ASH2L: variants seen among roughly 807,000 people sequenced by gnomAD.
The protein encoded by ASH2L is set1/Ash2 histone methyltransferase complex subunit ASH2.
A neutral mutation model predicts 81.1 loss-of-function variants in ASH2L; 30 were observed. That is an observed-to-expected ratio of 0.37 (90% CI 0.28 to 0.50). ASH2L has a LOEUF of 0.50. Ranked by LOEUF, ASH2L falls within the 20% of genes least tolerant of loss-of-function variation. The pLI is 0.95. For synonymous variants in ASH2L, 273 were observed against 279.9 expected (o/e 0.98, Z 0.24); for missense variants, 559 against 792.1 (o/e 0.71, Z 3.53).
At chr8:38,113,954 A>G (rs1446383178) in intron 5 of ASH2L, among the ~76,000 whole-genome samples, 1 of 152,214 alleles carries the variant, frequency 6.6e-6, no homozygotes, top group African/African-American at 2.4e-5. Context: ...TAAGCCCTAC[A>G]TGGCTAAGGT....
At chr8:38,119,809 A>C (rs1248072676) in intron 9 of ASH2L, among the ~76,000 whole-genome samples, 1 of 151,412 alleles carries the variant, frequency 6.6e-6, no homozygotes, top group East Asian at 2.0e-4. Flanking sequence ...TCTCAAAAAC[A>C]AAACAAAAAA....
At chr8:38,118,923 T>A (rs1811021258) in intron 8 of ASH2L, among the ~76,000 whole-genome samples, 1 of 152,180 alleles carries the variant, frequency 6.6e-6, no homozygotes, top group South Asian at 2.1e-4. Context: ...TTCATTCTTT[T>A]TAGCTGTGGG....
chr8:38,116,496 G>A (rs576126026), intron 7 of ASH2L, among the ~76,000 whole-genome samples, 154 bp from the exon 8 acceptor site: 1 of 152,188 alleles, frequency 6.6e-6, no homozygotes, highest in East Asian at 1.9e-4. Flanking sequence ...TCGCGCCACT[G>A]TACTACAGAC....
intron 5 of ASH2L, 134 bp downstream of exon 5, chr8:38,110,967 C>CT (rs1190022796): frequency 2.1e-3 from 1,513 of 715,878 alleles, no homozygotes; most frequent in Middle Eastern, 2.6e-3. Context: ...ACCTTGTTCT[C>CT]TTTTTTTTTC....
At chr8:38,126,489 T>C (rs1018724043) in intron 10 of ASH2L, among the ~76,000 whole-genome samples, 1 of 152,202 alleles carries the variant, frequency 6.6e-6, no homozygotes, top group African/African-American at 2.4e-5. Context: ...ATTATGTTAA[T>C]GATTATACAT....
chr8:38,116,219 AGCT>A (rs1402363872), intron 7 of ASH2L, among the ~76,000 whole-genome samples: 1 of 152,160 alleles, frequency 6.6e-6, no homozygotes, highest in East Asian at 1.9e-4. Flanking sequence ...ACAAAACTTT[AGCT>A]GGGTATGGCA....
intron 8 of ASH2L, 33 bp from the exon 9 acceptor site, chr8:38,119,237 G>T (rs1300550401): frequency 1.3e-6 from 2 of 1,539,106 alleles, no homozygotes; most frequent in African/African-American, 2.8e-5. Flanking sequence ...TTCCCTTGTG[G>T]CTCATTGAAA....
chr8:38,133,568 AT>A, intron 13 of ASH2L, 22 bp downstream of exon 13: 1 of 1,547,830 alleles, frequency 6.5e-7, no homozygotes, highest in Non-Finnish European at 8.8e-7. Flanking sequence ...CCATAAGAAC[AT>A]TAGAATCATA....
At chr8:38,105,812 C>A in intron 1 of ASH2L, 74 bp downstream of exon 1, 1 of 1,475,584 alleles carries the variant, frequency 6.8e-7, no homozygotes, top group South Asian at 1.4e-5. Context: ...CTCCTGGAGC[C>A]CTGCCGCCCG....
At chr8:38,125,922 G>A (rs1801826662) in intron 10 of ASH2L, among the ~76,000 whole-genome samples, 1 of 152,146 alleles carries the variant, frequency 6.6e-6, no homozygotes, top group Non-Finnish European at 1.5e-5. Context: ...GGAAACGCCA[G>A]GCCGGGCATG....
chr8:38,130,915 T>C (rs973685652), intron 12 of ASH2L, among the ~76,000 whole-genome samples: 1 of 152,236 alleles, frequency 6.6e-6, no homozygotes, highest in Non-Finnish European at 1.5e-5. Context: ...TCATTTTTTT[T>C]CCATATGATT....
At chr8:38,115,997 C>T (rs1044806612) in intron 7 of ASH2L, among the ~76,000 whole-genome samples, 3 of 151,950 alleles carry the variant, frequency 2.0e-5, no homozygotes, top group South Asian at 4.2e-4. Flanking sequence ...GAGGCTGAGG[C>T]GGGCAGATCA....
chr8:38,105,768 C>T lies in ASH2L; in HGVS notation c.188+30C>T, dbSNP rs184944190. The stretch of plus-strand genomic sequence containing the variant: ...GAGGTCCTGCCGCCCGAGGAAGACG[C>T]GGGAGGGAGGCCCGCCCCTCGCGAA... On this transcript the variant is annotated intron_variant, in intron 1 of 15. Transcript: ENST00000343823. 3.8e-5 allele frequency: 57 copies of T among 1,499,742 alleles called. No homozygotes were observed. The African/African-American group carries it at 6.7e-4, about 18-fold the overall frequency. The allele number at this position is 1,499,742 out of a possible 1,614,324, so 92.9% of individuals were successfully genotyped here.
intron 8 of ASH2L, among the ~76,000 whole-genome samples, chr8:38,118,717 C>T (rs1274966584): frequency 6.6e-6 from 1 of 152,182 alleles, no homozygotes; most frequent in African/African-American, 2.4e-5. Flanking sequence ...ACTTCTGTTT[C>T]CGTTTTCCAT....
At chr8:38,112,737 A>G (rs950440348) in intron 5 of ASH2L, among the ~76,000 whole-genome samples, 3 of 152,204 alleles carry the variant, frequency 2.0e-5, no homozygotes, top group African/African-American at 7.2e-5. Flanking sequence ...TAAGCCATAC[A>G]TGGAGATTAT....
chr8:38,121,365 ATATATATATATATG>A (rs1373840535), intron 10 of ASH2L, among the ~76,000 whole-genome samples: 2 of 141,756 alleles, frequency 1.4e-5, no homozygotes, highest in Non-Finnish European at 3.1e-5. Flanking sequence ...ATATATATAT[ATATATATATATATG>A]GTTTTTTAAA....
chr8:38,118,278 C>T (rs1371997322), intron 8 of ASH2L, among the ~76,000 whole-genome samples: 1 of 152,114 alleles, frequency 6.6e-6, no homozygotes, highest in East Asian at 1.9e-4. Context: ...CTAGTAATTC[C>T]CAAGCTTGCC....
At chr8:38,122,533 G>A (rs1801671407) in intron 10 of ASH2L, 1 of 152,002 alleles carries the variant, frequency 6.6e-6, no homozygotes, top group Non-Finnish European at 1.5e-5. Context: ...TAGGTGTTAG[G>A]TGTGCTGTTA....
intron 2 of ASH2L, 62 bp downstream of exon 2, chr8:38,106,506 C>CTTTTTTTT: frequency 1.0e-6 from 1 of 966,526 alleles, no homozygotes; most frequent in Non-Finnish European, 1.5e-6. Context: ...TCTTCTTCTT[C>CTTTTTTTT]TTTTTTTTTT....
Sources: gnomAD v4.1 joint callset for allele counts (sites outside exome capture counted in the v4.1 genomes callset) on GRCh38, gnomAD v4.1.1 for gene constraint, MANE v1.5 for transcripts, NCBI Gene and HGNC (gene_info 2026-07-23, HGNC 2026-07-21) for gene names.